Variants in VTI1B observed in about 807,000 individuals in gnomAD.
VTI1B encodes the protein vesicle transport through interaction with t-SNAREs 1B, also known as vesicle transport through interaction with t-SNAREs homolog 1B.
Under a neutral mutation model 28.6 loss-of-function variants are expected in VTI1B, and 18 were observed. That is an observed-to-expected ratio of 0.63 (90% confidence interval 0.43 to 0.93). The LOEUF (loss-of-function observed/expected upper bound fraction) is 0.93, where lower values mean the gene tolerates loss of function less well. VTI1B is among the 40% of genes least tolerant of loss of function. The probability of loss-of-function intolerance (pLI) is 0.00; values close to 1 mark genes in which losing one functional copy is unlikely to be tolerated. For missense variants in VTI1B, 283 were observed against 297.0 expected (o/e 0.95, Z 0.35); for synonymous variants, 100 against 107.9 (o/e 0.93, Z 0.46).
At position 67,664,305 on chromosome 14, in the gene VTI1B, T is replaced by C. The variant is rs116787352; in HGVS notation, c.116-1770A>G. 3.9e-3 allele frequency among the ~76,000 whole-genome samples: 594 copies of C among 152,290 alleles called. 4 individuals carry two copies. The highest frequency in any genetic ancestry group is 0.014 in the African/African-American group (577 of 41,566). ...ATCAAATACCTCCCCATTCTATGAA[T>C]TTCACTACTCCAGGTACACCATTAA... On this transcript the variant is annotated intron_variant, in intron 1 of 5. Transcript: ENST00000554659.
At chr14:67,662,580 A>C (rs1220467278) in intron 1 of VTI1B, 45 bp from the exon 2 acceptor site, 5 of 1,542,636 alleles carry the variant, frequency 3.2e-6, no homozygotes, top group Non-Finnish European at 3.6e-6. Context: ...CTGTTTCCAC[A>C]CATTTGTAAA....
chr14:67,667,149 G>A (rs1383776975), intron 1 of VTI1B, among the ~76,000 whole-genome samples: 1 of 152,160 alleles, frequency 6.6e-6, no homozygotes. Flanking sequence ...GAGTAAAATG[G>A]AAACAGACAG....
chr14:67,658,592 G>A (rs193165473), intron 3 of VTI1B, among the ~76,000 whole-genome samples: 22 of 151,616 alleles, frequency 1.5e-4, no homozygotes, highest in African/African-American at 5.4e-4. Flanking sequence ...GCGAGACTCC[G>A]TCTCAAAAAA....
At position 67,650,894 on chromosome 14, in the gene VTI1B, G is replaced by T; in HGVS notation, c.*491C>A. ...TACTCCCAGTTCACCAGATGAATCAGAAAATCAAGCACGTGTGAGAATTTA... is the reference window on the plus strand; with the variant it reads ...TACTCCCAGTTCACCAGATGAATCATAAAATCAAGCACGTGTGAGAATTTA... On this transcript the variant is annotated 3_prime_UTR_variant, in exon 6 of 6. Transcript: ENST00000554659. The T allele has an allele frequency of 6.2e-7, 1 of 1,614,074 alleles. No homozygotes were observed. Among genetic ancestry groups the T allele is most frequent in the East Asian group, 2.2e-5 (1 of 44,854 alleles).
chr14:67,651,131 G>A lies in VTI1B; in HGVS notation c.*254C>T, dbSNP rs1270515245. ...TTTGCAGTTCACAGGGTATTAATAT[G>A]CTACAGTACTATGTAAATTTAAAGA... On this transcript the variant is annotated 3_prime_UTR_variant, in exon 6 of 6. Coordinates refer to ENST00000554659, the MANE Select transcript of VTI1B (RefSeq NM_006370.3). The A allele has an allele frequency of 1.1e-6, 1 of 898,730 alleles. No individual in the cohort carries two copies. Among genetic ancestry groups the A allele is most frequent in the African/African-American group, 1.7e-5 (1 of 59,396 alleles). 55.7% of individuals were successfully genotyped at this position (898,730 alleles called of 1,614,324 possible). A position where few individuals can be genotyped will look rare whatever the true frequency, so the allele number is the denominator to read the frequency against.
rs200307320 is a variant in VTI1B, at chr14:67,659,073, G to A, written c.366+658C>T. 5.3e-5 allele frequency among the ~76,000 whole-genome samples: 8 copies of A among 152,176 alleles called. No individual in the cohort carries two copies. In the East Asian group the frequency reaches 1.2e-3, roughly 22 times the overall value. On this transcript the variant is annotated intron_variant, in intron 3 of 5. Coordinates refer to ENST00000554659, the MANE Select transcript of VTI1B (RefSeq NM_006370.3). Reference sequence around the variant, plus strand: ...CTTTCAGACGTTTTATTCCTTTAACGATCTAGCTGCTCTAGATGGTTTCAG... The same window carrying A: ...CTTTCAGACGTTTTATTCCTTTAACAATCTAGCTGCTCTAGATGGTTTCAG...
chr14:67,665,121 G>C (rs2037384410), intron 1 of VTI1B, among the ~76,000 whole-genome samples: 1 of 152,192 alleles, frequency 6.6e-6, no homozygotes, highest in African/African-American at 2.4e-5. Context: ...CCAAAGTGCT[G>C]GGATAACAGG....
intron 2 of VTI1B, 31 bp from the exon 3 acceptor site, chr14:67,659,953 C>G (rs1566813814): frequency 6.3e-7 from 1 of 1,595,856 alleles, no homozygotes; most frequent in East Asian, 2.2e-5. Context: ...GAGCAGATAG[C>G]CTGGTTCTTC....
At position 67,650,807 on chromosome 14, in the gene VTI1B, G is replaced by A. The variant is rs148319106; in HGVS notation, c.*578C>T. 136 of 1,614,188 alleles carry A rather than the reference G, an allele frequency of 8.4e-5. No homozygotes were observed. In the African/African-American group the frequency reaches 1.6e-3, roughly 19 times the overall value. On this transcript the variant is annotated 3_prime_UTR_variant, in exon 6 of 6. Coordinates refer to ENST00000554659, the MANE Select transcript of VTI1B (RefSeq NM_006370.3). ...GACTACAGCTAACCTGGCAGTAGAT[G>A]TGATTGCTTCAAGCTTTGGTCAGAC... is the stretch of plus-strand genomic sequence containing the variant.
At position 67,647,938 on chromosome 14, in the gene VTI1B, A is replaced by G; in HGVS notation, c.*3447T>C. 9.4e-7 allele frequency: 1 copy of G among 1,068,720 alleles called. No individual in the cohort carries two copies. The highest frequency in any genetic ancestry group is 2.3e-4 in the Middle Eastern group (1 of 4,374). The allele number at this position is 1,068,720 out of a possible 1,614,324, so 66.2% of individuals were successfully genotyped here. ...TTAACAGCTTTATTAACAAAGTACTAGGACTAATAGCAACAAAATCAAGGA... is the reference window on the plus strand; with the variant it reads ...TTAACAGCTTTATTAACAAAGTACTGGGACTAATAGCAACAAAATCAAGGA... On this transcript the variant is annotated 3_prime_UTR_variant, in exon 6 of 6. Coordinates refer to ENST00000554659, the MANE Select transcript of VTI1B (RefSeq NM_006370.3).
Position 67,650,050 on chromosome 14 carries a change from C to T in VTI1B, c.*1335G>A, listed in dbSNP as rs965301227. ...AACCTTAACAGAAGGTAACTGAAGT[C>T]CAGATAAAATAATTAACATATGGCT... On this transcript the variant is annotated 3_prime_UTR_variant, in exon 6 of 6. Transcript: ENST00000554659. 2.0e-5 allele frequency: 3 copies of T among 152,206 alleles called. No homozygotes were observed. Among genetic ancestry groups the T allele is most frequent in the African/African-American group, 7.3e-5 (3 of 41,370 alleles). The allele number at this position is 152,206 out of a possible 1,614,324, so 9.4% of individuals were successfully genotyped here.
chr14:67,667,719 C>T (rs1257484343), intron 1 of VTI1B, among the ~76,000 whole-genome samples: 2 of 151,996 alleles, frequency 1.3e-5, no homozygotes, highest in Non-Finnish European at 2.9e-5. Context: ...CCGAGGCGGG[C>T]GGATCACGAG....
Position 67,650,602 on chromosome 14 carries a change from A to C in VTI1B, c.*783T>G. The C allele has an allele frequency of 1.1e-6, 1 of 932,244 alleles. No individual in the cohort carries two copies. The highest frequency in any genetic ancestry group is 1.5e-5 in the South Asian group (1 of 68,466). The allele number at this position is 932,244 out of a possible 1,614,324, so 57.7% of individuals were successfully genotyped here. On this transcript the variant is annotated 3_prime_UTR_variant, in exon 6 of 6. Transcript: ENST00000554659. ...TTCCTAAAAATAGGTATTTTCTACT[A>C]TAAAATGGACTCTTGTTTTTACTTT...
Position 67,662,535 on chromosome 14 carries a change from T to C in VTI1B, c.116A>G (p.Glu39Gly). 1 of 1,608,114 alleles carries C rather than the reference T, an allele frequency of 6.2e-7. No individual in the cohort carries two copies. Among genetic ancestry groups the C allele is most frequent in the Non-Finnish European group, 8.5e-7 (1 of 1,176,326 alleles). Reference sequence around the variant, plus strand: ...ATCCCTGATCAATTTCTTCTTTTCTTCTAGAAAAGATAGATAAGTTTCAAA... The same window carrying C: ...ATCCCTGATCAATTTCTTCTTTTCTCCTAGAAAAGATAGATAAGTTTCAAA... ...PERLLGTAGT[E>G]EKKKLIRDFD... Residue 39 changes from glutamate to glycine, a missense_variant and splice_region_variant, in exon 2 of 6, where the codon GAA becomes GGA. Glu to Gly is a moderately conservative substitution (Grantham distance 98). Transcript: ENST00000554659.
chr14:67,660,003 AACT>A, intron 2 of VTI1B, 81 bp from the exon 3 acceptor site: 2 of 1,364,456 alleles, frequency 1.5e-6, no homozygotes, highest in Non-Finnish European at 2.0e-6. Flanking sequence ...GGACTAATCA[AACT>A]ACTTATTTAT....
chr14:67,659,530 T>C (rs148566855), intron 3 of VTI1B, among the ~76,000 whole-genome samples: 1 of 151,652 alleles, frequency 6.6e-6, no homozygotes, highest in East Asian at 1.9e-4. Flanking sequence ...TAAATATGCA[T>C]ATAGTTCGAA....
intron 2 of VTI1B, among the ~76,000 whole-genome samples, chr14:67,660,472 C>G (rs985437745): frequency 6.6e-6 from 1 of 152,194 alleles, no homozygotes; most frequent in Non-Finnish European, 1.5e-5. Flanking sequence ...TCTCAGCTCT[C>G]TTCAATATAC....
chr14:67,672,635 G>T (rs569121146), intron 1 of VTI1B, among the ~76,000 whole-genome samples: 4 of 150,574 alleles, frequency 2.7e-5, no homozygotes, highest in African/African-American at 7.3e-5. Context: ...TAGAGATGGG[G>T]TTTCACCATA....
intron 1 of VTI1B, among the ~76,000 whole-genome samples, chr14:67,670,810 G>C (rs533045316): frequency 6.6e-6 from 1 of 152,290 alleles, no homozygotes; most frequent in East Asian, 1.9e-4. Context: ...ACCAGCATGA[G>C]CCACCGTGCC....
Sources: gnomAD v4.1 joint callset for allele counts (sites outside exome capture counted in the v4.1 genomes callset) on GRCh38, gnomAD v4.1.1 for gene constraint, MANE v1.5 for transcripts, NCBI Gene and HGNC (gene_info 2026-07-23, HGNC 2026-07-21) for gene names.